The following DAB1 variants were observed in gnomAD, a reference collection of about 807,000 sequenced individuals.
DAB1 encodes the protein disabled homolog 1.
A neutral mutation model predicts 64.6 loss-of-function variants in DAB1; 15 were observed. That is an observed-to-expected ratio of 0.23 (90% CI 0.16 to 0.36). The LOEUF is 0.36. Ranked by LOEUF, DAB1 falls within the 10% of genes least tolerant of loss-of-function variation. DAB1 has a pLI of 1.00. For synonymous variants in DAB1, 235 were observed against 251.9 expected (o/e 0.93, Z 0.64); for missense variants, 596 against 706.7 (o/e 0.84, Z 1.78).
At chr1:57,662,732 G>A (rs1440288817) in intron 6 of DAB1, among the ~76,000 whole-genome samples, 1 of 152,234 alleles carries the variant, frequency 6.6e-6, no homozygotes, top group South Asian at 2.1e-4. Context: ...CAAGGGAATA[G>A]TGCGGGTCAG....
intron 2 of DAB1, among the ~76,000 whole-genome samples, chr1:57,279,531 A>G (rs1671727823): frequency 6.6e-6 from 1 of 152,194 alleles, no homozygotes; most frequent in Non-Finnish European, 1.5e-5. Context: ...CTCATTTCAT[A>G]CCAGCATCAT....
At chr1:58,216,546 G>A (rs982546630) in intron 4 of DAB1, among the ~76,000 whole-genome samples, 58 of 152,282 alleles carry the variant, frequency 3.8e-4, no homozygotes, top group African/African-American at 1.4e-3. Flanking sequence ...TATATATCCA[G>A]TATTGGGATT....
intron 5 of DAB1, chr1:58,074,523 CATATATAT>C (rs1233352276): frequency 1.2e-4 from 10 of 84,154 alleles, no homozygotes; most frequent in Admixed American, 6.7e-4. Context: ...AATATATATA[CATATATAT>C]ATATATATAT....
intron 1 of DAB1, among the ~76,000 whole-genome samples, chr1:57,297,009 A>C (rs1272427988): frequency 6.6e-6 from 1 of 152,236 alleles, no homozygotes; most frequent in Non-Finnish European, 1.5e-5. Context: ...CAAAATTAAC[A>C]TCAACAAACA....
chr1:57,326,950 A>ATTTT, intron 1 of DAB1, among the ~76,000 whole-genome samples: 1 of 145,202 alleles, frequency 6.9e-6, no homozygotes, highest in South Asian at 2.1e-4. Context: ...TTATTTATTT[A>ATTTT]TTTTTTGAGA....
chr1:57,217,483 G>A (rs1666515587), intron 2 of DAB1, among the ~76,000 whole-genome samples: 1 of 151,770 alleles, frequency 6.6e-6, no homozygotes, highest in South Asian at 2.1e-4. Context: ...TCCAACTAGA[G>A]GAAGCCAAAA....
At chr1:57,190,810 A>G (rs1664059741) in intron 2 of DAB1, among the ~76,000 whole-genome samples, 1 of 152,166 alleles carries the variant, frequency 6.6e-6, no homozygotes, top group Admixed American at 6.5e-5. Flanking sequence ...TCGACAGGTG[A>G]TGAGCTACAC....
At chr1:58,242,824 G>A (rs1660358451) in intron 4 of DAB1, among the ~76,000 whole-genome samples, 2 of 151,848 alleles carry the variant, frequency 1.3e-5, no homozygotes, top group African/African-American at 4.8e-5. Flanking sequence ...TATAAGTGAA[G>A]GTATGGAAGT....
At chr1:57,749,975 C>T (rs1648478832) in intron 6 of DAB1, among the ~76,000 whole-genome samples, 1 of 151,984 alleles carries the variant, frequency 6.6e-6, no homozygotes, top group African/African-American at 2.4e-5. Context: ...AAAATCAATA[C>T]ACATGATATT....
chr1:58,494,861 C>T (rs1487719167), intron 3 of DAB1, among the ~76,000 whole-genome samples: 2 of 152,116 alleles, frequency 1.3e-5, no homozygotes, highest in Admixed American at 6.5e-5. Flanking sequence ...GTCAGTGTGG[C>T]GATTCCTCAG....
chr1:58,354,273 T>C (rs900977004), intron 3 of DAB1, among the ~76,000 whole-genome samples: 2 of 152,074 alleles, frequency 1.3e-5, no homozygotes, highest in African/African-American at 4.8e-5. Context: ...CTATTCGAAT[T>C]CAAGCGAGGA....
intron 4 of DAB1, among the ~76,000 whole-genome samples, chr1:58,257,293 G>A (rs1204434441): frequency 6.6e-6 from 1 of 152,236 alleles, no homozygotes; most frequent in Non-Finnish European, 1.5e-5. Flanking sequence ...GAGAGTGAGT[G>A]TATTTGGATA....
chr1:57,860,806 C>T (rs528258159), intron 1 of DAB1: 3 of 152,150 alleles, frequency 2.0e-5, no homozygotes, highest in Non-Finnish European at 4.4e-5. Flanking sequence ...TGAGGCCTTC[C>T]AAAACAAATC....
intron 1 of DAB1, among the ~76,000 whole-genome samples, chr1:57,833,373 ATT>A (rs1454659649): frequency 6.6e-6 from 1 of 152,190 alleles, no homozygotes; most frequent in Non-Finnish European, 1.5e-5. Flanking sequence ...CTTTAAAGAC[ATT>A]ATTTCATTTA....
chr1:57,494,758 A>G (rs539679312), intron 7 of DAB1, among the ~76,000 whole-genome samples: 2 of 152,288 alleles, frequency 1.3e-5, no homozygotes, highest in East Asian at 3.9e-4. Flanking sequence ...GGCTTGGCTA[A>G]TTGTCTATCA....
chr1:57,987,410 T>C (rs1646246053), intron 5 of DAB1, among the ~76,000 whole-genome samples: 3 of 152,170 alleles, frequency 2.0e-5, no homozygotes, highest in Admixed American at 2.0e-4. Flanking sequence ...GTAGTATTGG[T>C]TCCCTAGTTA....
chr1:57,684,099 C>T (rs1215422479), intron 6 of DAB1, among the ~76,000 whole-genome samples: 2 of 151,862 alleles, frequency 1.3e-5, no homozygotes, highest in Non-Finnish European at 2.9e-5. Context: ...TGAAAAAAAC[C>T]TTCAAGAAAT....
chr1:57,138,762 A>C (rs1223650181), intron 3 of DAB1, among the ~76,000 whole-genome samples: 2 of 152,158 alleles, frequency 1.3e-5, no homozygotes, highest in African/African-American at 4.8e-5. Flanking sequence ...CTTAGCCAAC[A>C]CAGCACACCC....
upstream of DAB1, among the ~76,000 whole-genome samples, chr1:57,888,985 T>C (rs1340841949): frequency 6.6e-6 from 1 of 152,194 alleles, no homozygotes; most frequent in Admixed American, 6.5e-5. Context: ...GTGTCATTGA[T>C]GGCAAGGAGT....
Sources: gnomAD v4.1 joint callset for allele counts (sites outside exome capture counted in the v4.1 genomes callset) on GRCh38, gnomAD v4.1.1 for gene constraint, MANE v1.5 for transcripts, NCBI Gene and HGNC (gene_info 2026-07-23, HGNC 2026-07-21) for gene names.